Variants in RMST observed in about 807,000 individuals in gnomAD.
RMST encodes rhabdomyosarcoma 2 associated transcript.
chr12:97,467,867 A>T (rs1420894732), intron 5 of RMST, among the ~76,000 whole-genome samples: 1 of 152,024 alleles, frequency 6.6e-6, no homozygotes, highest in Non-Finnish European at 1.5e-5. Context: ...ATGAAGTGCT[A>T]AAAGATTTGA....
chr12:97,532,644 C>G (rs997639130), intron 11 of RMST: 213 of 76,722 alleles, frequency 2.8e-3, no homozygotes, highest in African/African-American at 0.013. Context: ...GCTGATGTCC[C>G]GTTTTTTTTT....
At chr12:97,507,949 G>A (rs1259137972) in intron 10 of RMST, among the ~76,000 whole-genome samples, 1 of 152,192 alleles carries the variant, frequency 6.6e-6, no homozygotes, top group Non-Finnish European at 1.5e-5. Flanking sequence ...ACTCAGACCA[G>A]AGTAGCCCTA....
chr12:97,512,858 G>C (rs559971540), intron 10 of RMST, among the ~76,000 whole-genome samples: 80 of 152,136 alleles, frequency 5.3e-4, no homozygotes, highest in Non-Finnish European at 7.4e-5. Context: ...GGGAGGCTCC[G>C]GGCTGCACAG....
At chr12:97,491,834 T>C in intron 5 of RMST, 1 of 477,826 alleles carries the variant, frequency 2.1e-6, no homozygotes, top group South Asian at 1.5e-5. Context: ...GTCATTTTCA[T>C]CAAATGTTCA....
chr12:97,523,886 G>T (rs1234489105), intron 10 of RMST, among the ~76,000 whole-genome samples: 1 of 151,734 alleles, frequency 6.6e-6, no homozygotes, highest in Non-Finnish European at 1.5e-5. Context: ...GACCATCCTG[G>T]TTAACACGGT....
At chr12:97,509,542 A>T (rs1053997186) in intron 10 of RMST, among the ~76,000 whole-genome samples, 1 of 152,078 alleles carries the variant, frequency 6.6e-6, no homozygotes, top group Non-Finnish European at 1.5e-5. Context: ...CCTTATAATA[A>T]AATTCCCTTA....
At chr12:97,465,763 A>C (rs1022783710) in intron 5 of RMST, 3 of 152,206 alleles carry the variant, frequency 2.0e-5, no homozygotes, top group Admixed American at 2.0e-4. Flanking sequence ...GCAATTTTCA[A>C]ACCGTTTCCT....
intron 11 of RMST, among the ~76,000 whole-genome samples, chr12:97,543,196 A>G (rs1280344435): frequency 6.6e-6 from 1 of 152,038 alleles, no homozygotes; most frequent in Non-Finnish European, 1.5e-5. Flanking sequence ...TTGGGATTTC[A>G]GTGAAGCAGT....
intron 5 of RMST, among the ~76,000 whole-genome samples, chr12:97,489,457 G>GA (rs377120208): frequency 6.6e-4 from 91 of 137,810 alleles, no homozygotes; most frequent in East Asian, 3.0e-3. Context: ...AAGAAAAAAA[G>GA]AAAAAAAAAA....
At chr12:97,501,204 A>G (rs1017671580) in intron 10 of RMST, among the ~76,000 whole-genome samples, 2 of 152,192 alleles carry the variant, frequency 1.3e-5, no homozygotes, top group Non-Finnish European at 2.9e-5. Context: ...TTCAATATTT[A>G]CCAGTAAGGC....
chr12:97,560,527 C>T (rs905248951), intron 11 of RMST: 6 of 152,184 alleles, frequency 3.9e-5, no homozygotes, highest in African/African-American at 1.2e-4. Flanking sequence ...TATTCTATCT[C>T]ACCCACCAGG....
intron 11 of RMST, chr12:97,532,993 A>C (rs1411932467): frequency 7.9e-5 from 12 of 151,824 alleles, no homozygotes; most frequent in Admixed American, 7.9e-4. Flanking sequence ...AAATAATAAT[A>C]AGAAGAAAAT....
intron 5 of RMST, among the ~76,000 whole-genome samples, chr12:97,469,223 A>T (rs1873596232): frequency 6.8e-6 from 1 of 146,186 alleles, no homozygotes; most frequent in Non-Finnish European, 1.5e-5. Flanking sequence ...ATATAATTGT[A>T]TACAATATAT....
chr12:97,527,668 C>T (rs1050930453), intron 10 of RMST, among the ~76,000 whole-genome samples: 5 of 119,092 alleles, frequency 4.2e-5, no homozygotes, highest in African/African-American at 1.0e-4. Flanking sequence ...CAAAATTGTA[C>T]GATCTACAGG....
chr12:97,520,274 G>C (rs1391439131), intron 10 of RMST, among the ~76,000 whole-genome samples: 2 of 152,130 alleles, frequency 1.3e-5, no homozygotes, highest in Non-Finnish European at 2.9e-5. Context: ...GTCTTTACAA[G>C]TGTCGCAGTG....
intron 11 of RMST, among the ~76,000 whole-genome samples, chr12:97,540,161 C>G (rs759627132): frequency 1.3e-5 from 2 of 151,654 alleles, no homozygotes; most frequent in African/African-American, 4.8e-5. Flanking sequence ...TTCTGTCTAA[C>G]CACAGTCACA....
intron 10 of RMST, among the ~76,000 whole-genome samples, chr12:97,511,852 T>A (rs1022437970): frequency 6.6e-6 from 1 of 152,240 alleles, no homozygotes; most frequent in African/African-American, 2.4e-5. Context: ...TTATAGCACC[T>A]TTTATACATA....
At chr12:97,493,054 C>T (rs1195659268) in intron 6 of RMST, 2 of 152,308 alleles carry the variant, frequency 1.3e-5, no homozygotes, top group Admixed American at 6.6e-5. Flanking sequence ...CAGAAAAAAT[C>T]AAGCAAAGTT....
chr12:97,550,529 T>A (rs1193564081), intron 11 of RMST, among the ~76,000 whole-genome samples: 2 of 152,184 alleles, frequency 1.3e-5, no homozygotes, highest in African/African-American at 2.4e-5. Flanking sequence ...GTCAGGTAAT[T>A]TAAGATGTAG....
Sources: allele counts gnomAD v4.1 joint callset (sites outside exome capture counted in the v4.1 genomes callset), GRCh38; gene constraint gnomAD v4.1.1; transcripts MANE v1.5; gene names NCBI Gene and HGNC (gene_info 2026-07-23, HGNC 2026-07-21).